INO80: variants seen among roughly 807,000 people sequenced by gnomAD.
The protein encoded by INO80 is INO80 complex ATPase subunit.
Under a neutral mutation model 203.4 loss-of-function variants are expected in INO80, and 20 were observed. The ratio of observed to expected loss-of-function variants is 0.10; its 90% confidence interval spans 0.07 to 0.14. INO80 has a LOEUF of 0.14. Among genes scored for constraint, INO80 ranks in the 10% least tolerant of loss-of-function variants. The pLI, the probability that INO80 is intolerant of heterozygous loss-of-function variation, is 1.00. For synonymous variants in INO80, 726 were observed against 685.2 expected (o/e 1.06, Z -0.93); for missense variants, 1,419 against 1,914.4 (o/e 0.74, Z 4.83).
chr15:41,063,775 G>A (rs991437319), intron 14 of INO80, among the ~76,000 whole-genome samples: 3 of 151,716 alleles, frequency 2.0e-5, no homozygotes, highest in Admixed American at 6.6e-5. Flanking sequence ...CTCAAAAAGA[G>A]AAATGCACCA....
chr15:41,091,659 T>C (rs1441504471), intron 5 of INO80, among the ~76,000 whole-genome samples: 2 of 143,828 alleles, frequency 1.4e-5, no homozygotes, highest in Non-Finnish European at 1.5e-5. Context: ...TCTTTTTTTT[T>C]TTTTTTTTTT....
At chr15:41,097,902 G>A (rs1292343843) in intron 1 of INO80, among the ~76,000 whole-genome samples, 5 of 152,220 alleles carry the variant, frequency 3.3e-5, no homozygotes, top group African/African-American at 9.6e-5. Flanking sequence ...GCAGTGAGCC[G>A]AGACTGTGCC....
intron 7 of INO80, among the ~76,000 whole-genome samples, chr15:41,085,021 C>T (rs2045539181): frequency 6.6e-6 from 1 of 152,206 alleles, no homozygotes; most frequent in African/African-American, 2.4e-5. Flanking sequence ...ACAGGTGTGA[C>T]CTGCCATGCC....
chr15:41,115,952 G>A (rs963473921), intron 1 of INO80, 21 bp downstream of exon 1: 43 of 380,452 alleles, frequency 1.1e-4, no homozygotes, highest in African/African-American at 6.3e-4. Flanking sequence ...CCGTTCGCCC[G>A]CCCACGTCTA....
intron 19 of INO80, among the ~76,000 whole-genome samples, chr15:41,051,032 G>C (rs1368119597): frequency 6.8e-6 from 1 of 147,836 alleles, no homozygotes; most frequent in Admixed American, 6.9e-5. Context: ...AGGAGGCTGA[G>C]GCAGGAGAAT....
At chr15:41,031,958 C>CACAGCACAGCACAGCACAGG (rs2044484177) in intron 24 of INO80, among the ~76,000 whole-genome samples, 5 of 66,526 alleles carry the variant, frequency 7.5e-5, no homozygotes, top group Non-Finnish European at 6.7e-5. Flanking sequence ...CACAGCACAG[C>CACAGCACAGCACAGCACAGG]ACAGGACAGC....
intron 14 of INO80, among the ~76,000 whole-genome samples, chr15:41,064,653 A>G (rs995368902): frequency 6.6e-6 from 1 of 152,206 alleles, no homozygotes; most frequent in Non-Finnish European, 1.5e-5. Flanking sequence ...ATGTACATCT[A>G]TTAGAAGCTG....
intron 28 of INO80, 88 bp downstream of exon 28, chr15:41,005,505 C>T: frequency 3.1e-6 from 2 of 636,102 alleles, no homozygotes; most frequent in Non-Finnish European, 2.8e-6. Flanking sequence ...CTCAGATGTC[C>T]TGGCATTTAA....
chr15:40,991,496 G>GAT (rs1249278186), intron 29 of INO80, among the ~76,000 whole-genome samples: 1 of 152,076 alleles, frequency 6.6e-6, no homozygotes, highest in Admixed American at 6.6e-5. Context: ...TGGGTTTATG[G>GAT]AGCTCAGTGA....
rs189913784 is a variant in INO80, at chr15:40,993,930, A to C, written c.3570+3599T>G. Among the ~76,000 whole-genome samples the C allele has an allele frequency of 2.2e-4, 33 of 152,156 alleles. No homozygotes were observed. The East Asian group carries it at 6.2e-3, about 28-fold the overall frequency. On this transcript the variant is annotated intron_variant, in intron 29 of 35. Transcript: ENST00000648947. Reference sequence around the variant, plus strand: ...GCATTTCATTTTTTTCTCCCACTCTAAACAGAAGCTAGAAGGATGCATTTA... The same window carrying C: ...GCATTTCATTTTTTTCTCCCACTCTCAACAGAAGCTAGAAGGATGCATTTA...
In INO80 at chr15:41,071,991, C is replaced by A. The variant is rs1425475949; in HGVS notation, c.1463G>T (p.Gly488Val). 6.2e-7 allele frequency: 1 copy of A among 1,613,160 alleles called. No individual in the cohort carries two copies. Among genetic ancestry groups the A allele is most frequent in the South Asian group, 1.1e-5 (1 of 91,066 alleles). Residue 488 changes from glycine (G) to valine (V), a missense_variant, in exon 12 of 36, where the codon GGC (glycine) becomes GTC (valine). By Grantham distance (109) the Gly-to-Val change is moderately radical (BLOSUM62 -3). Transcript: ENST00000648947. ...AAALRAANKS[G>V]TGFGESYSLA... is the part of the protein sequence containing the mutation. ...GCTATAACTCTCCCCAAACCCAGTG[C>A]CAGACTTGTTTGCTGCCCGTAGGGC...
Position 41,048,127 on chromosome 15 carries a change from C to T in INO80, c.2641+85G>A, listed in dbSNP as rs143445761. The T allele has an allele frequency of 5.3e-4, 524 of 995,904 alleles. 1 individual carries two copies. The African/African-American group carries it at 7.3e-3, about 14-fold the overall frequency. The allele number at this position is 995,904 out of a possible 1,614,324, so 61.7% of individuals were successfully genotyped here. ...CTACCATATAGGCAAAACTAATACT[C>T]GTTCTAAATCAGTCTCTCAGCAAAA... On this transcript the variant is annotated intron_variant, in intron 22 of 35. Coordinates refer to ENST00000648947, the MANE Select transcript of INO80 (RefSeq NM_017553.3).
At chr15:41,008,093 G>C in intron 27 of INO80, among the ~76,000 whole-genome samples, 1 of 152,178 alleles carries the variant, frequency 6.6e-6, no homozygotes, top group East Asian at 1.9e-4. Flanking sequence ...AAGATCATCT[G>C]AGCCCAGGGA....
chr15:41,066,831 G>GAA (rs11476914), intron 14 of INO80, among the ~76,000 whole-genome samples: 3 of 85,730 alleles, frequency 3.5e-5, no homozygotes, highest in Non-Finnish European at 4.6e-5. Context: ...ATGTCTCTAA[G>GAA]AAAAAAAAAA....
At chr15:41,077,159 G>A (rs1042749897) in intron 9 of INO80, among the ~76,000 whole-genome samples, 3 of 150,978 alleles carry the variant, frequency 2.0e-5, no homozygotes, top group Admixed American at 6.6e-5. Flanking sequence ...CGCCCACCTC[G>A]GCCTCCCAAA....
chr15:41,059,799 C>A, intron 15 of INO80, 68 bp downstream of exon 15: 1 of 1,003,932 alleles, frequency 1.0e-6, no homozygotes, highest in East Asian at 2.6e-5. Context: ...AAGAAATTAT[C>A]CACATCAATT....
At chr15:41,017,934 A>G (rs1169025066) in intron 26 of INO80, 3 of 152,218 alleles carry the variant, frequency 2.0e-5, no homozygotes, top group Non-Finnish European at 2.9e-5. Context: ...GGAGTACTGT[A>G]TAAATTCCAA....
intron 1 of INO80, among the ~76,000 whole-genome samples, chr15:41,114,535 C>A (rs533233126): frequency 6.6e-6 from 1 of 151,968 alleles, no homozygotes; most frequent in Non-Finnish European, 1.5e-5. Context: ...ATGGTGAAAC[C>A]CCGTTTCTAC....
intron 1 of INO80, among the ~76,000 whole-genome samples, chr15:41,099,266 A>AAAAAAAAC (rs1412468777): frequency 4.1e-5 from 5 of 122,120 alleles, no homozygotes; most frequent in African/African-American, 6.5e-5. Flanking sequence ...AAAAAAAAAA[A>AAAAAAAAC]ACAAACACAC....
Sources: gnomAD v4.1 joint callset for allele counts (sites outside exome capture counted in the v4.1 genomes callset) on GRCh38, gnomAD v4.1.1 for gene constraint, MANE v1.5 for transcripts, NCBI Gene and HGNC (gene_info 2026-07-23, HGNC 2026-07-21) for gene names.